MAPK12: variants seen among roughly 807,000 people sequenced by gnomAD.
The protein encoded by MAPK12 is mitogen-activated protein kinase 12, also known as MAP kinase 12.
In MAPK12, 49 loss-of-function variants were observed where a neutral mutation model predicts 49.1. That is an observed-to-expected ratio of 1.00 (90% CI 0.79 to 1.27). MAPK12 has a LOEUF of 1.27. Ranked by LOEUF, MAPK12 falls within the 50% of genes most tolerant of loss-of-function variation. MAPK12 has a pLI of 0.00. For missense variants in MAPK12, 554 were observed against 502.4 expected (o/e 1.10, Z -0.98); for synonymous variants, 251 against 209.7 (o/e 1.20, Z -1.70).
chr22:50,257,656 G>T (rs1430657533), intron 3 of MAPK12: 7 of 587,304 alleles, frequency 1.2e-5, no homozygotes, highest in Admixed American at 9.0e-5. Context: ...GGTCAGAGGG[G>T]TCGGCTGGGC....
chr22:50,258,333 C>T (rs1217343527), intron 2 of MAPK12, 32 bp from the exon 3 acceptor site: 1 of 1,600,208 alleles, frequency 6.2e-7, no homozygotes, highest in Non-Finnish European at 8.6e-7. Flanking sequence ...GAGAATGCAG[C>T]AGAGGACACG....
chr22:50,257,342 G>A (rs936877135), intron 3 of MAPK12, 149 bp from the exon 4 acceptor site: 34 of 640,558 alleles, frequency 5.3e-5, no homozygotes, highest in Middle Eastern at 8.2e-4. Context: ...CACTGGCCTC[G>A]GTGTCCTCGC....
rs764218412 is a variant in MAPK12 at position 50,253,498 on chromosome 22, G to T, written c.1025-18C>A. The T allele has an allele frequency of 4.3e-6, 2 of 466,290 alleles. No homozygotes were observed. 28.9% of individuals were successfully genotyped at this position (466,290 alleles called of 1,614,324 possible). A position where few individuals can be genotyped will look rare whatever the true frequency, so the allele number is the denominator to read the frequency against. The stretch of plus-strand genomic sequence containing the variant: ...AGTAACACCTGGCGGGGGTGGGGGG[G>T]CGGGCACAACAGAGAGGGGGGTCAG... On this transcript the variant is annotated intron_variant, in intron 11 of 11. Coordinates refer to ENST00000215659, the MANE Select transcript of MAPK12 (RefSeq NM_002969.6).
chr22:50,255,509 A>T lies in MAPK12; in HGVS notation c.794T>A (p.Leu265His). ...AAAATCCTTCTTCTCCAATTCGGGG[A>T]GGCCCTTCATGTAGTTCTTGGCCTG... ...SDEAKNYMKG[L>H]PELEKKDFAS... The change falls in exon 10 of 12, where the codon CTC becomes CAC. Residue 265 changes from leucine to histidine, a missense_variant. Transcript: ENST00000215659. The T allele has an allele frequency of 6.2e-7, 1 of 1,613,164 alleles. No homozygotes were observed. The highest frequency in any genetic ancestry group is 8.5e-7 in the Non-Finnish European group (1 of 1,180,010).
rs766663292 is a variant in MAPK12, at chr22:50,256,606, TCA to T, written c.495_496del (p.Cys165Ter). 21 of 1,611,412 alleles carry T rather than the reference TCA, an allele frequency of 1.3e-5. No individual in the cohort carries two copies. The highest frequency in any genetic ancestry group is 1.6e-4 in the Middle Eastern group (1 of 6,074). ...CTGCCAGGCAGCACACACCTTCAGC[TCA>T]CAGTCTTCGTTCACAGCCAGGTTGC... On this transcript the variant is annotated stop_gained and frameshift_variant, in exon 6 of 12. Coordinates refer to ENST00000215659, the MANE Select transcript of MAPK12 (RefSeq NM_002969.6). LOFTEE classifies it high-confidence loss of function.
At chr22:50,260,265 G>C (rs1317269012) in intron 2 of MAPK12, among the ~76,000 whole-genome samples, 1 of 123,422 alleles carries the variant, frequency 8.1e-6, no homozygotes, top group Non-Finnish European at 1.8e-5. Flanking sequence ...TTTGCTGGTG[G>C]ACGCAGGGAC....
chr22:50,257,983 G>A (rs746592625), intron 3 of MAPK12: 21 of 754,164 alleles, frequency 2.8e-5, no homozygotes, highest in Middle Eastern at 2.4e-4. Context: ...TCACACCTCC[G>A]GTGCTGGAGA....
At chr22:50,254,951 C>T (rs137880367) in intron 11 of MAPK12, 112 of 1,390,236 alleles carry the variant, frequency 8.1e-5, no homozygotes, top group Admixed American at 1.5e-4. Flanking sequence ...CCAGGCCACA[C>T]GGCCCCATGC....
intron 9 of MAPK12, 37 bp downstream of exon 9, chr22:50,255,578 G>C: frequency 1.9e-6 from 3 of 1,581,772 alleles, no homozygotes; most frequent in Non-Finnish European, 2.6e-6. Context: ...GCCCAGGTCC[G>C]CCCCCACCCC....
intron 11 of MAPK12, chr22:50,254,691 C>G: frequency 1.9e-6 from 2 of 1,041,864 alleles, no homozygotes; most frequent in Non-Finnish European, 2.3e-6. Flanking sequence ...AGGACAGATT[C>G]AGGAGGTGTG....
chr22:50,261,169 T>A lies in MAPK12; in HGVS notation c.253A>T (p.Asn85Tyr), dbSNP rs762861308. Reference sequence around the variant, plus strand: ...CGGAGCGGGGCCGCGCGACTCACGTTCTCGTGGCGCATGTGCTTGAGCAGG... The same window carrying A: ...CGGAGCGGGGCCGCGCGACTCACGTACTCGTGGCGCATGTGCTTGAGCAGG... The part of the protein sequence containing the change: ...LRLLKHMRHE[N>Y]VIGLLDVFTP... The change falls in exon 2 of 12, where the codon AAC becomes TAC. Residue 85 changes from asparagine (N) to tyrosine (Y), a missense_variant and splice_region_variant. Transcript: ENST00000215659. 49 of 1,585,614 alleles carry A rather than the reference T, an allele frequency of 3.1e-5. No individual in the cohort carries two copies. The Admixed American group carries it at 8.2e-4, about 27-fold the overall frequency.
rs779526859 is a variant in MAPK12 at position 50,256,203 on chromosome 22, T to C, written c.505-4A>G. On this transcript the variant is annotated splice_polypyrimidine_tract_variant and splice_region_variant and intron_variant, in intron 6 of 11. Coordinates refer to ENST00000215659, the MANE Select transcript of MAPK12 (RefSeq NM_002969.6). ...TGGCCAGGCCGAAGTCCAGGATCTG[T>C]GGGAAGAATTGGGGAGGTGGGTTCT... 1.2e-5 allele frequency: 19 copies of C among 1,605,870 alleles called. No individual in the cohort carries two copies. Among genetic ancestry groups the C allele is most frequent in the Non-Finnish European group, 1.5e-5 (18 of 1,174,212 alleles).
At chr22:50,257,340 T>C in intron 3 of MAPK12, 147 bp from the exon 4 acceptor site, 5 of 640,054 alleles carry the variant, frequency 7.8e-6, no homozygotes, top group Non-Finnish European at 1.4e-5. Flanking sequence ...CACACTGGCC[T>C]CGGTGTCCTC....
At chr22:50,256,871 G>C in intron 5 of MAPK12, 64 bp downstream of exon 5, 1 of 1,579,596 alleles carries the variant, frequency 6.3e-7, no homozygotes, top group Non-Finnish European at 8.6e-7. Flanking sequence ...TCACAGGTGG[G>C]ACGTGGAGGC....
intron 9 of MAPK12, 37 bp downstream of exon 9, chr22:50,255,578 G>GGGCCCCCC: frequency 6.3e-7 from 1 of 1,581,974 alleles, no homozygotes; most frequent in Non-Finnish European, 8.7e-7. Flanking sequence ...GCCCAGGTCC[G>GGGCCCCCC]CCCCCACCCC....
chr22:50,257,539 C>T (rs2065163064), intron 3 of MAPK12: 8 of 523,446 alleles, frequency 1.5e-5, no homozygotes, highest in South Asian at 6.5e-5. Flanking sequence ...CAGCAGGACT[C>T]GAGTCTTCAC....
rs532730875 is a variant in MAPK12 at position 50,254,589 on chromosome 22, T to A, written c.1024+608A>T. ...ACGGTGTGTACCCGGGAGACGGAGCTTGCAGTGAGTCAAGATCGTGCCACT... is the reference window on the plus strand; with the variant it reads ...ACGGTGTGTACCCGGGAGACGGAGCATGCAGTGAGTCAAGATCGTGCCACT... On this transcript the variant is annotated intron_variant, in intron 11 of 11. Transcript: ENST00000215659. The A allele has an allele frequency of 1.5e-5, 14 of 923,858 alleles. No individual in the cohort carries two copies. In the African/African-American group the frequency reaches 2.5e-4, roughly 17 times the overall value. 57.2% of individuals were successfully genotyped at this position (923,858 alleles called of 1,614,324 possible). A position where few individuals can be genotyped will look rare whatever the true frequency, so the allele number is the denominator to read the frequency against.
At position 50,257,100 on chromosome 22, in the gene MAPK12, C is replaced by T; in HGVS notation, c.408G>A (p.Gln136=). The T allele has an allele frequency of 6.2e-7, 1 of 1,612,704 alleles. No homozygotes were observed. The highest frequency in any genetic ancestry group is 8.5e-7 in the Non-Finnish European group (1 of 1,179,920). The part of the protein sequence containing the change: ...GEDRIQFLVY[Q]MLKGLRYIHA... ...CCCGTACCCTCAGCCCCTTCAGCAT[C>T]TGGTACACGAGGAACTGGATCCGGT... The change falls in exon 4 of 12, where the codon CAG becomes CAA. Residue 136 remains glutamine, a synonymous_variant. Transcript: ENST00000215659.
chr22:50,260,925 C>A, intron 2 of MAPK12: 1 of 386,952 alleles, frequency 2.6e-6, no homozygotes, highest in Non-Finnish European at 4.6e-6. Flanking sequence ...CTGGCTGAGG[C>A]GCCGAGTCAA....
Sources: allele counts gnomAD v4.1 joint callset (sites outside exome capture counted in the v4.1 genomes callset), GRCh38; gene constraint gnomAD v4.1.1; transcripts MANE v1.5; gene names NCBI Gene and HGNC (gene_info 2026-07-23, HGNC 2026-07-21).